NIPAL2: variants seen among roughly 807,000 people sequenced by gnomAD.
NIPAL2 encodes NIPA-like protein 2.
A neutral mutation model predicts 48.9 loss-of-function variants in NIPAL2; 43 were observed. The ratio of observed to expected loss-of-function variants is 0.88; its 90% CI spans 0.69 to 1.13. The LOEUF (loss-of-function observed/expected upper bound fraction) is 1.13, where lower values mean the gene tolerates loss of function less well. Among genes scored for constraint, NIPAL2 ranks in the 50% most tolerant of loss-of-function variants. The pLI is 0.00. For synonymous variants in NIPAL2, 167 were observed against 174.6 expected (o/e 0.96, Z 0.34); for missense variants, 446 against 461.4 (o/e 0.97, Z 0.31).
rs537133162 is a variant in NIPAL2 at position 98,203,990 on chromosome 8, AAACCAGGTCATTTTAATGGGC to A, written c.792-815_792-795del. ...CATGCATGTACATATGTATGTACAA[AAACCAGGTCATTTTAATGGGC>A]AACCAGGGCTGAGAACCACAGTCGT... On this transcript the variant is annotated intron_variant, in intron 7 of 10. Coordinates refer to ENST00000430223, the MANE Select transcript of NIPAL2 (RefSeq NM_001321635.2). 1.3e-3 allele frequency among the ~76,000 whole-genome samples: 203 copies of A among 152,268 alleles called. 1 individual carries two copies. The Middle Eastern group carries it at 0.014, about 10-fold the overall frequency.
intron 8 of NIPAL2, among the ~76,000 whole-genome samples, chr8:98,196,976 C>A (rs10095790): frequency 0.3 from 45,618 of 152,128 alleles, 8,286 homozygotes; most frequent in South Asian, 0.51. Flanking sequence ...CAGGTTATTA[C>A]ATACTTCCTT....
rs1810511882 is a variant in NIPAL2 at position 98,195,749 on chromosome 8, A to G, written c.944+193T>C. ...CAATGTTTCAGAACAGCAGAGATAT[A>G]CCTAAGTCACAAAGCCAAAGACGCT... is the stretch of plus-strand genomic sequence containing the variant. On this transcript the variant is annotated intron_variant, in intron 9 of 10. Coordinates refer to ENST00000430223, the MANE Select transcript of NIPAL2 (RefSeq NM_001321635.2). 39 of 463,276 alleles carry G rather than the reference A, an allele frequency of 8.4e-5. No individual in the cohort carries two copies. In the South Asian group the frequency reaches 9.0e-4, roughly 11 times the overall value. 28.7% of individuals were successfully genotyped at this position (463,276 alleles called of 1,614,324 possible).
chr8:98,231,808 G>A (rs1352402615), intron 4 of NIPAL2: 1 of 152,002 alleles, frequency 6.6e-6, no homozygotes, highest in Non-Finnish European at 1.5e-5. Flanking sequence ...TTTCCACATG[G>A]TCCCCAAATC....
intron 1 of NIPAL2, 39 bp downstream of exon 1, chr8:98,293,964 G>A: frequency 2.2e-6 from 3 of 1,387,742 alleles, no homozygotes; most frequent in Non-Finnish European, 1.9e-6. Flanking sequence ...CCCTGGCCGC[G>A]TCCCCACCGG....
chr8:98,292,159 G>A (rs766043043), intron 1 of NIPAL2, among the ~76,000 whole-genome samples: 11 of 152,132 alleles, frequency 7.2e-5, no homozygotes, highest in Non-Finnish European at 1.3e-4. Context: ...TTTTGATTGT[G>A]GGAGTGACAC....
chr8:98,234,546 G>C (rs10103268), intron 4 of NIPAL2, among the ~76,000 whole-genome samples: 41,805 of 151,786 alleles, frequency 0.28, 5,943 homozygotes, highest in African/African-American at 0.33. Context: ...TCAGGTATTG[G>C]TCATTTTTTT....
chr8:98,240,029 T>A (rs908353859), intron 3 of NIPAL2, among the ~76,000 whole-genome samples: 1 of 152,256 alleles, frequency 6.6e-6, no homozygotes, highest in African/African-American at 2.4e-5. Context: ...AAATCTATTA[T>A]ACTTTTATTC....
At chr8:98,193,845 C>A (rs913391644) in intron 10 of NIPAL2, among the ~76,000 whole-genome samples, 11 of 151,496 alleles carry the variant, frequency 7.3e-5, no homozygotes, top group Non-Finnish European at 1.0e-4. Context: ...TATCAAAGAA[C>A]CTCTAACCAT....
At chr8:98,292,449 A>T (rs1212934000) in intron 1 of NIPAL2, among the ~76,000 whole-genome samples, 1 of 152,240 alleles carries the variant, frequency 6.6e-6, no homozygotes, top group African/African-American at 2.4e-5. Context: ...TTTATCTCAA[A>T]CCAGCAAAGT....
intron 10 of NIPAL2, 75 bp from the exon 11 acceptor site, chr8:98,193,165 T>G (rs1047967806): frequency 8.1e-7 from 1 of 1,236,624 alleles, no homozygotes; most frequent in African/African-American, 1.5e-5. Flanking sequence ...CTCCTCAATC[T>G]AGGCCACATT....
At chr8:98,223,029 C>A (rs1238324459) in intron 4 of NIPAL2, among the ~76,000 whole-genome samples, 1 of 152,104 alleles carries the variant, frequency 6.6e-6, no homozygotes. Context: ...GACAGGGAAA[C>A]TATCACATGA....
At chr8:98,280,655 C>T (rs1448968540) in intron 1 of NIPAL2, among the ~76,000 whole-genome samples, 4 of 148,260 alleles carry the variant, frequency 2.7e-5, no homozygotes, top group African/African-American at 7.5e-5. Flanking sequence ...AAGAAGACAT[C>T]CAAACTCTTA....
intron 1 of NIPAL2, among the ~76,000 whole-genome samples, chr8:98,286,829 AAAAAAC>A (rs1816201209): frequency 2.1e-4 from 31 of 148,260 alleles, no homozygotes; most frequent in African/African-American, 7.9e-4. Flanking sequence ...AAAAAAAAAA[AAAAAAC>A]CAAAAACAAA....
chr8:98,265,880 C>T (rs1176963138), intron 1 of NIPAL2, among the ~76,000 whole-genome samples: 1 of 151,554 alleles, frequency 6.6e-6, no homozygotes. Flanking sequence ...TTGGAATCAA[C>T]CCAAATGTCC....
chr8:98,217,338 CGCA>C, intron 5 of NIPAL2: 1 of 914,746 alleles, frequency 1.1e-6, no homozygotes, highest in Non-Finnish European at 1.3e-6. Context: ...CAGTGGGTGC[CGCA>C]CTATTATGAT....
chr8:98,262,531 A>G (rs1308827553), intron 1 of NIPAL2, among the ~76,000 whole-genome samples: 1 of 151,696 alleles, frequency 6.6e-6, no homozygotes, highest in African/African-American at 2.4e-5. Context: ...AGAGACAAAG[A>G]AGGCCATTAC....
chr8:98,213,866 CAT>C (rs1373184386), intron 5 of NIPAL2, among the ~76,000 whole-genome samples: 1 of 152,152 alleles, frequency 6.6e-6, no homozygotes, highest in Non-Finnish European at 1.5e-5. Flanking sequence ...ATTTCTTGTT[CAT>C]ATGTTTATGT....
At chr8:98,266,828 A>G (rs1208170976) in intron 1 of NIPAL2, among the ~76,000 whole-genome samples, 1 of 152,218 alleles carries the variant, frequency 6.6e-6, no homozygotes, top group African/African-American at 2.4e-5. Flanking sequence ...GGAGACCTAA[A>G]TGAATGAGGT....
Position 98,258,650 on chromosome 8 carries a change from A to G in NIPAL2, c.136-4563T>C, listed in dbSNP as rs147765512. Among the ~76,000 whole-genome samples, 587 of 152,300 alleles carry G rather than the reference A, an allele frequency of 3.9e-3. 6 individuals carry two copies. Among genetic ancestry groups the G allele is most frequent in the African/African-American group, 0.013 (544 of 41,566 alleles). On this transcript the variant is annotated intron_variant, in intron 1 of 10. Coordinates refer to ENST00000430223, the MANE Select transcript of NIPAL2 (RefSeq NM_001321635.2). Reference sequence around the variant, plus strand: ...TAAAAATAGGTGAGTCTTGGCCAATACCAGAAGCCATACTTCAACCAGTCA... The same window carrying G: ...TAAAAATAGGTGAGTCTTGGCCAATGCCAGAAGCCATACTTCAACCAGTCA...
Sources: gnomAD v4.1 joint callset for allele counts (sites outside exome capture counted in the v4.1 genomes callset) on GRCh38, gnomAD v4.1.1 for gene constraint, MANE v1.5 for transcripts, NCBI Gene and HGNC (gene_info 2026-07-23, HGNC 2026-07-21) for gene names.